VAC14: variants seen among roughly 807,000 people sequenced by gnomAD.
The protein encoded by VAC14 is VAC14 component of PIKFYVE complex, also known as protein VAC14 homolog.
Under a neutral mutation model 85.3 loss-of-function variants are expected in VAC14, and 47 were observed. That is an observed-to-expected ratio of 0.55 (90% CI 0.44 to 0.70). The LOEUF is 0.70. Ranked by LOEUF, VAC14 falls within the 30% of genes least tolerant of loss-of-function variation. The pLI, the probability that VAC14 is intolerant of heterozygous loss-of-function variation, is 0.00. For synonymous variants in VAC14, 447 were observed against 430.5 expected (o/e 1.04, Z -0.47); for missense variants, 861 against 1,004.3 (o/e 0.86, Z 1.93).
At chr16:70,752,532 G>A (rs1409512391) in intron 12 of VAC14, among the ~76,000 whole-genome samples, 1 of 152,236 alleles carries the variant, frequency 6.6e-6, no homozygotes, top group Non-Finnish European at 1.5e-5. Context: ...ACGGGGTGGT[G>A]CCTGCTGCAC....
chr16:70,699,123 TC>T, intron 14 of VAC14: 1 of 305,608 alleles, frequency 3.3e-6, no homozygotes, highest in Non-Finnish European at 6.3e-6. Context: ...GTTCCTGAGA[TC>T]CCGTCACCTT....
rs539601183 is a variant in VAC14 at position 70,700,532 on chromosome 16, G to A, written c.1662-1721C>T. 2.6e-5 allele frequency among the ~76,000 whole-genome samples: 4 copies of A among 152,326 alleles called. No homozygotes were observed. The South Asian group carries it at 8.3e-4, about 32-fold the overall frequency. On this transcript the variant is annotated intron_variant, in intron 14 of 18. Coordinates refer to ENST00000261776, the MANE Select transcript of VAC14 (RefSeq NM_018052.5). ...GTGAAATAGGGGGAAGTTCTCAGAGGGCAGCCTGAGGACGAGGAACAAGCC... is the reference window on the plus strand; with the variant it reads ...GTGAAATAGGGGGAAGTTCTCAGAGAGCAGCCTGAGGACGAGGAACAAGCC...
At position 70,786,204 on chromosome 16, in the gene VAC14, GA is replaced by G; in HGVS notation, c.255+10del. 1 of 1,613,272 alleles carries G rather than the reference GA, an allele frequency of 6.2e-7. No homozygotes were observed. The highest frequency in any genetic ancestry group is 8.5e-7 in the Non-Finnish European group (1 of 1,179,572). On this transcript the variant is annotated intron_variant, in intron 2 of 18. Coordinates refer to ENST00000261776, the MANE Select transcript of VAC14 (RefSeq NM_018052.5). ...GGACTGGTATGTCTGTCCCTTGGGT[GA>G]AAGGCCCACCTTGCCCAGTGCGATG...
rs543147032 is a variant in VAC14, at chr16:70,801,141, G to C, written c.-241C>G. On this transcript the variant is annotated 5_prime_UTR_variant, in exon 1 of 19. Coordinates refer to ENST00000261776, the MANE Select transcript of VAC14 (RefSeq NM_018052.5). ...GCACTAGCGGGACTCACGAGACAGC[G>C]GCCATGTTACTCGAGTCACATGACT... 1.7e-5 allele frequency: 7 copies of C among 420,782 alleles called. No individual in the cohort carries two copies. The highest frequency in any genetic ancestry group is 1.6e-4 in the East Asian group (4 of 25,304). 26.1% of individuals were successfully genotyped at this position (420,782 alleles called of 1,614,324 possible). A position where few individuals can be genotyped will look rare whatever the true frequency, so the allele number is the denominator to read the frequency against.
At chr16:70,764,557 A>G (rs2032659915) in intron 10 of VAC14, among the ~76,000 whole-genome samples, 1 of 152,256 alleles carries the variant, frequency 6.6e-6, no homozygotes, top group Non-Finnish European at 1.5e-5. Context: ...AGTCACAGAT[A>G]TAATTTTACA....
chr16:70,768,038 C>T (rs2032946671), intron 10 of VAC14, among the ~76,000 whole-genome samples: 1 of 152,096 alleles, frequency 6.6e-6, no homozygotes, highest in African/African-American at 2.4e-5. Flanking sequence ...GAATGTGCCA[C>T]CACACCCAGC....
At chr16:70,774,722 CT>C (rs1311834775) in intron 9 of VAC14, among the ~76,000 whole-genome samples, 3 of 149,690 alleles carry the variant, frequency 2.0e-5, no homozygotes, top group African/African-American at 7.5e-5. Context: ...CCCCTCTCCC[CT>C]CTCCCCTCCC....
intron 14 of VAC14, among the ~76,000 whole-genome samples, chr16:70,727,421 C>T (rs2054461566): frequency 6.6e-6 from 1 of 152,180 alleles, no homozygotes; most frequent in Non-Finnish European, 1.5e-5. Flanking sequence ...CTCACTGCAA[C>T]CTCCGCCTCC....
chr16:70,697,345 G>A (rs2053734054), intron 15 of VAC14, 88 bp from the exon 16 acceptor site: 3 of 1,100,176 alleles, frequency 2.7e-6, no homozygotes, highest in African/African-American at 1.6e-5. Flanking sequence ...AGGGCCACAG[G>A]TCTAAGTCCC....
chr16:70,791,240 A>C (rs563473821), intron 1 of VAC14, among the ~76,000 whole-genome samples: 2 of 152,302 alleles, frequency 1.3e-5, no homozygotes, highest in African/African-American at 2.4e-5. Flanking sequence ...GTTCAGCTCA[A>C]ATCCAACCCC....
intron 15 of VAC14, among the ~76,000 whole-genome samples, chr16:70,697,873 G>A (rs1347627544): frequency 6.6e-6 from 1 of 152,196 alleles, no homozygotes; most frequent in Non-Finnish European, 1.5e-5. Flanking sequence ...ATATCCCCGA[G>A]GCTCCTGGGG....
chr16:70,790,920 C>T (rs1231650498), intron 1 of VAC14, among the ~76,000 whole-genome samples: 1 of 152,222 alleles, frequency 6.6e-6, no homozygotes, highest in Admixed American at 6.5e-5. Context: ...GGAGGGAAAA[C>T]CATGGAACAC....
chr16:70,800,332 G>A (rs1038313328), intron 1 of VAC14, among the ~76,000 whole-genome samples: 4 of 152,198 alleles, frequency 2.6e-5, no homozygotes, highest in Admixed American at 2.0e-4. Flanking sequence ...GAGATCACGA[G>A]TTTTCCGACC....
chr16:70,781,571 A>T (rs972948142), intron 8 of VAC14, among the ~76,000 whole-genome samples: 6 of 152,078 alleles, frequency 3.9e-5, no homozygotes, highest in African/African-American at 1.4e-4. Flanking sequence ...CCTCCCACCA[A>T]CAGGATCTCC....
chr16:70,745,781 T>C (rs1012257876), intron 12 of VAC14, among the ~76,000 whole-genome samples: 8 of 152,194 alleles, frequency 5.3e-5, no homozygotes, highest in Admixed American at 3.9e-4. Context: ...CCTGTGCCTC[T>C]TCCTGGGCTA....
In VAC14 at chr16:70,781,878, G is replaced by A. The variant is rs777453280; in HGVS notation, c.937C>T (p.Arg313Cys). Reference protein sequence around the residue: ...AVLPCLAYDDRKKSIKEVANV... With the variant: ...AVLPCLAYDDCKKSIKEVANV... Reference sequence around the variant, plus strand: ...CCAAAGCAAAGGATACTTTTCTTGCGGTCATCGTAGGCCAAGCAGGGCAAG... The same window carrying A: ...CCAAAGCAAAGGATACTTTTCTTGCAGTCATCGTAGGCCAAGCAGGGCAAG... Residue 313 changes from arginine (R) to cysteine (C), a missense_variant, in exon 8 of 19, where the codon CGC becomes TGC. Arg to Cys is a radical substitution (Grantham distance 180). Coordinates refer to ENST00000261776, the MANE Select transcript of VAC14 (RefSeq NM_018052.5). 1.3e-5 allele frequency: 21 copies of A among 1,613,976 alleles called. No individual in the cohort carries two copies. Among genetic ancestry groups the A allele is most frequent in the African/African-American group, 2.7e-5 (2 of 75,012 alleles).
rs948860457 is a variant in VAC14 at position 70,783,653 on chromosome 16, G to C, written c.595-99C>G. The C allele has an allele frequency of 5.1e-6, 6 of 1,185,856 alleles. No individual in the cohort carries two copies. In the African/African-American group the frequency reaches 8.9e-5, roughly 18 times the overall value. The allele number at this position is 1,185,856 out of a possible 1,614,324, so 73.5% of individuals were successfully genotyped here. A position where few individuals can be genotyped will look rare whatever the true frequency, so the allele number is the denominator to read the frequency against. Reference sequence around the variant, plus strand: ...TGGGCTGTAGGAAGGGGACCCTGCTGAGACAGCATTTCCCTGCAGTGCAGG... The same window carrying C: ...TGGGCTGTAGGAAGGGGACCCTGCTCAGACAGCATTTCCCTGCAGTGCAGG... On this transcript the variant is annotated intron_variant, in intron 5 of 18. Transcript: ENST00000261776.
intron 2 of VAC14, 72 bp from the exon 3 acceptor site, chr16:70,785,941 C>T: frequency 6.7e-7 from 1 of 1,492,364 alleles, no homozygotes; most frequent in Non-Finnish European, 9.0e-7. Flanking sequence ...GCAGTGCCAG[C>T]TGACATCCCA....
At chr16:70,792,556 G>A (rs1265580496) in intron 1 of VAC14, among the ~76,000 whole-genome samples, 1 of 152,234 alleles carries the variant, frequency 6.6e-6, no homozygotes, top group Non-Finnish European at 1.5e-5. Flanking sequence ...TGGCATTGCA[G>A]GATGGCAGGA....
Sources: allele counts gnomAD v4.1 joint callset (sites outside exome capture counted in the v4.1 genomes callset), GRCh38; gene constraint gnomAD v4.1.1; transcripts MANE v1.5; gene names NCBI Gene and HGNC (gene_info 2026-07-23, HGNC 2026-07-21).